The following EHBP1 variants were observed in gnomAD, a reference collection of about 807,000 sequenced individuals.
The protein encoded by EHBP1 is EH domain-binding protein 1.
EHBP1 carries 55 observed loss-of-function variants against 144.0 expected under a neutral mutation model. The observed-to-expected ratio is 0.38, with a 90% CI of 0.31 to 0.48. The LOEUF is 0.48. EHBP1 is among the 20% of genes least tolerant of loss of function. The pLI is 0.98. For synonymous variants in EHBP1, 469 were observed against 472.7 expected (o/e 0.99, Z 0.10); for missense variants, 1,200 against 1,364.2 (o/e 0.88, Z 1.90).
intron 10 of EHBP1, among the ~76,000 whole-genome samples, chr2:62,921,462 A>C (rs552336787): frequency 6.6e-6 from 1 of 152,012 alleles, no homozygotes. Flanking sequence ...AAAAAAAAAA[A>C]AGTAATCCCC....
intron 19 of EHBP1, among the ~76,000 whole-genome samples, chr2:63,026,337 TG>T (rs1438029208): frequency 2.6e-5 from 4 of 151,100 alleles, no homozygotes; most frequent in African/African-American, 9.8e-5. Flanking sequence ...TGTGTGTGTG[TG>T]TGTGTGTCTG....
chr2:62,931,235 A>G (rs2055961770), intron 10 of EHBP1, among the ~76,000 whole-genome samples: 1 of 152,230 alleles, frequency 6.6e-6, no homozygotes, highest in Admixed American at 6.5e-5. Flanking sequence ...TATTTATCCA[A>G]AGAACACATA....
At chr2:62,918,990 C>T (rs770016372) in intron 10 of EHBP1, among the ~76,000 whole-genome samples, 8 of 152,264 alleles carry the variant, frequency 5.3e-5, no homozygotes, top group Non-Finnish European at 7.3e-5. Context: ...CAATTTTGGT[C>T]GGTTTCAGCT....
Position 62,993,601 on chromosome 2 carries a change from C to G in EHBP1, c.2805C>G (p.Phe935Leu). The G allele has an allele frequency of 6.2e-7, 1 of 1,610,242 alleles. No individual in the cohort carries two copies. Among genetic ancestry groups the G allele is most frequent in the Non-Finnish European group, 8.5e-7 (1 of 1,177,642 alleles). ...AACGTTTTAGAAATCCTGTTGTGTT[C>G]AGCAAAGATTCTACAGTCAGAAAAA... The part of the protein sequence containing the change: ...TTERFRNPVV[F>L]SKDSTVRKTQ... Residue 935 changes from phenylalanine to leucine, a missense_variant, in exon 17 of 23, where the codon TTC becomes TTG. Transcript: ENST00000431489.
At chr2:62,729,333 AATATATATAAT>A (rs2037166207) in intron 2 of EHBP1, among the ~76,000 whole-genome samples, 1 of 126,304 alleles carries the variant, frequency 7.9e-6, no homozygotes, top group African/African-American at 3.0e-5. Context: ...AATATAATAT[AATATATATAAT>A]ATATATAATA....
At chr2:62,950,847 G>A (rs780486895) in intron 13 of EHBP1, among the ~76,000 whole-genome samples, 22 of 152,060 alleles carry the variant, frequency 1.4e-4, no homozygotes, top group Middle Eastern at 3.4e-3. Context: ...CACCACACCC[G>A]GCTAATTTTG....
At chr2:62,995,042 A>G (rs1438853383) in intron 18 of EHBP1, among the ~76,000 whole-genome samples, 2 of 152,076 alleles carry the variant, frequency 1.3e-5, no homozygotes, top group Non-Finnish European at 2.9e-5. Flanking sequence ...TTTGCAAACT[A>G]CTATATTTGT....
At chr2:63,037,327 C>A (rs899944993) in intron 19 of EHBP1, among the ~76,000 whole-genome samples, 9 of 151,938 alleles carry the variant, frequency 5.9e-5, no homozygotes, top group African/African-American at 2.2e-4. Context: ...GGTATGTTCA[C>A]GGAGAGTAAA....
In EHBP1 at chr2:62,712,441, C is replaced by G. The variant is rs534105737; in HGVS notation, c.104+5146C>G. Among the ~76,000 whole-genome samples, 8 of 152,246 alleles carry G rather than the reference C, an allele frequency of 5.3e-5. No individual in the cohort carries two copies. In the South Asian group the frequency reaches 1.0e-3, roughly 20 times the overall value. ...GGGGATTGCTGGGTAGTAGTGATGA[C>G]CTTCTTAACTTTGTGATTATAAATT... On this transcript the variant is annotated intron_variant, in intron 2 of 22. Transcript: ENST00000431489.
chr2:62,719,832 G>C (rs1311842900), intron 2 of EHBP1, among the ~76,000 whole-genome samples: 1 of 152,148 alleles, frequency 6.6e-6, no homozygotes. Context: ...TCAGGGACTT[G>C]AGCATCCTCA....
At chr2:62,850,328 T>A (rs1285256029) in intron 7 of EHBP1, among the ~76,000 whole-genome samples, 1 of 152,160 alleles carries the variant, frequency 6.6e-6, no homozygotes, top group African/African-American at 2.4e-5. Flanking sequence ...CTACAGACTT[T>A]CTTAAAAGGA....
intron 2 of EHBP1, among the ~76,000 whole-genome samples, chr2:62,724,345 C>T (rs1229410176): frequency 6.6e-6 from 1 of 152,144 alleles, no homozygotes; most frequent in African/African-American, 2.4e-5. Flanking sequence ...CTTTTCTATA[C>T]TGGTTATTTT....
At chr2:62,975,826 C>G (rs1037805447) in intron 14 of EHBP1, among the ~76,000 whole-genome samples, 2 of 150,338 alleles carry the variant, frequency 1.3e-5, no homozygotes, top group African/African-American at 4.9e-5. Context: ...CCTGGGAGGT[C>G]AAGGCTGCGG....
At chr2:62,841,162 A>T (rs1001381464) in intron 7 of EHBP1, among the ~76,000 whole-genome samples, 10 of 152,178 alleles carry the variant, frequency 6.6e-5, no homozygotes, top group African/African-American at 2.2e-4. Context: ...ATGCAGCCAT[A>T]AAAAAGGGTG....
chr2:62,809,918 CT>C (rs1316327336), intron 5 of EHBP1, among the ~76,000 whole-genome samples: 1 of 152,150 alleles, frequency 6.6e-6, no homozygotes, highest in Admixed American at 6.5e-5. Context: ...AAGATATTCA[CT>C]GTACCACCCT....
At chr2:62,869,407 C>G (rs978930649) in intron 9 of EHBP1, among the ~76,000 whole-genome samples, 1 of 152,088 alleles carries the variant, frequency 6.6e-6, no homozygotes, top group African/African-American at 2.4e-5. Context: ...TATCAACAGA[C>G]AAATGGATAA....
chr2:62,777,424 A>T (rs1383331383), intron 5 of EHBP1, among the ~76,000 whole-genome samples: 1 of 152,214 alleles, frequency 6.6e-6, no homozygotes, highest in Non-Finnish European at 1.5e-5. Context: ...TGGATTTTCT[A>T]TATGCCCAGA....
At chr2:63,037,040 C>A (rs1213227980) in intron 19 of EHBP1, among the ~76,000 whole-genome samples, 5 of 151,348 alleles carry the variant, frequency 3.3e-5, no homozygotes, top group South Asian at 4.2e-4. Flanking sequence ...ATGATGAGTT[C>A]CAAAATGTCA....
intron 2 of EHBP1, among the ~76,000 whole-genome samples, chr2:62,744,229 G>T (rs1368433690): frequency 1.3e-5 from 2 of 152,060 alleles, no homozygotes; most frequent in African/African-American, 4.8e-5. Context: ...GAAGTGATGG[G>T]ATAGAGATGT....
Sources: allele counts gnomAD v4.1 joint callset (sites outside exome capture counted in the v4.1 genomes callset), GRCh38; gene constraint gnomAD v4.1.1; transcripts MANE v1.5; gene names NCBI Gene and HGNC (gene_info 2026-07-23, HGNC 2026-07-21).